MAK: variants seen among roughly 807,000 people sequenced by gnomAD.
MAK encodes male germ cell associated kinase.
A neutral mutation model predicts 82.6 loss-of-function variants in MAK; 65 were observed. That is an observed-to-expected ratio of 0.79 (90% CI 0.64 to 0.97). MAK has a LOEUF of 0.97. Ranked by LOEUF, MAK falls within the 50% of genes least tolerant of loss-of-function variation. MAK has a pLI of 0.00. For missense variants in MAK, 703 were observed against 780.2 expected, an observed-to-expected ratio of 0.90 and a Z score of 1.18; for synonymous variants, 250 against 274.2, an observed-to-expected ratio of 0.91 and a Z score of 0.87.
intron 10 of MAK, among the ~76,000 whole-genome samples, chr6:10,785,082 G>T (rs1434929935): frequency 1.3e-5 from 2 of 152,210 alleles, no homozygotes; most frequent in African/African-American, 4.8e-5. Context: ...ACATGCCTGT[G>T]TCTCAGCCAG....
At position 10,791,718 on chromosome 6, in the gene MAK, T is replaced by C. The variant is rs1226073158; in HGVS notation, c.1273A>G (p.Met425Val). The C allele has an allele frequency of 8.7e-6, 14 of 1,614,030 alleles. No homozygotes were observed. The East Asian group carries it at 2.7e-4, about 31-fold the overall frequency. The stretch of plus-strand genomic sequence containing the variant: ...TTCCTTTTTTCTTTAAAAACACCCA[T>C]GCTTGGCTTCTTGGAATGGGAGGCT... ...FGASHSKKPS[M>V]GVFKEKRKKD... Residue 425 changes from methionine (M) to valine (V), a missense_variant, in exon 10 of 15, where the codon ATG becomes GTG. Transcript: ENST00000354489.
At chr6:10,790,912 T>G (rs1183807722) in intron 10 of MAK, among the ~76,000 whole-genome samples, 1 of 152,198 alleles carries the variant, frequency 6.6e-6, no homozygotes, top group Non-Finnish European at 1.5e-5. Flanking sequence ...CATGCAAGAC[T>G]TGATCGTTTA....
intron 5 of MAK, among the ~76,000 whole-genome samples, chr6:10,811,784 A>C (rs1776953381): frequency 6.6e-6 from 1 of 152,220 alleles, no homozygotes; most frequent in Non-Finnish European, 1.5e-5. Context: ...AAACATTCTA[A>C]ACATACCCTT....
At chr6:10,768,586 A>T (rs1772688711) in intron 14 of MAK, among the ~76,000 whole-genome samples, 1 of 152,188 alleles carries the variant, frequency 6.6e-6, no homozygotes, top group Non-Finnish European at 1.5e-5. Context: ...ATCTCAAAAT[A>T]AATAAAATTT....
intron 14 of MAK, among the ~76,000 whole-genome samples, chr6:10,766,501 T>A (rs1288855017): frequency 6.6e-6 from 1 of 152,216 alleles, no homozygotes; most frequent in Non-Finnish European, 1.5e-5. Flanking sequence ...TCAAAGCCAC[T>A]AAAAAGCTAT....
At chr6:10,810,345 CT>C (rs111859354) in intron 5 of MAK, among the ~76,000 whole-genome samples, 20,039 of 121,696 alleles carry the variant, frequency 0.16, 596 homozygotes, top group African/African-American at 0.18. Flanking sequence ...TTATCTTTTT[CT>C]TTTTTTTTTT....
At chr6:10,779,888 T>C (rs1000417084) in intron 11 of MAK, among the ~76,000 whole-genome samples, 7 of 152,202 alleles carry the variant, frequency 4.6e-5, no homozygotes, top group Non-Finnish European at 7.3e-5. Flanking sequence ...GGTTTCATTA[T>C]GTTGGCCAGG....
At chr6:10,815,912 G>GTACATATATATA (rs1554184484) in intron 4 of MAK, among the ~76,000 whole-genome samples, 25 of 108,344 alleles carry the variant, frequency 2.3e-4, no homozygotes, top group Non-Finnish European at 3.7e-4. Flanking sequence ...GCTTTATACA[G>GTACATATATATA]TATATATATA....
chr6:10,772,928 C>G, intron 13 of MAK, 106 bp downstream of exon 13: 1 of 719,480 alleles, frequency 1.4e-6, no homozygotes, highest in Non-Finnish European at 2.4e-6. Flanking sequence ...CTTCTCAAAG[C>G]GGATCATCTC....
At position 10,803,710 on chromosome 6, in the gene MAK, G is replaced by A; in HGVS notation, c.663+10C>T. 7 of 1,609,186 alleles carry A rather than the reference G, an allele frequency of 4.4e-6. No individual in the cohort carries two copies. Among genetic ancestry groups the A allele is most frequent in the Non-Finnish European group, 6.0e-6 (7 of 1,175,574 alleles). The stretch of plus-strand genomic sequence containing the variant: ...AAAAGTTATAGCAACTTAGGGACAA[G>A]AGTACTTACTTTTTTGGGAGTCCCT... On this transcript the variant is annotated intron_variant, in intron 7 of 14. Coordinates refer to ENST00000354489, the MANE Select transcript of MAK (RefSeq NM_001242957.3).
At chr6:10,798,954 C>T (rs1775801767) in intron 8 of MAK, among the ~76,000 whole-genome samples, 1 of 151,952 alleles carries the variant, frequency 6.6e-6, no homozygotes, top group South Asian at 2.1e-4. Flanking sequence ...CTCAGCCTCC[C>T]GAGTAGCTGA....
At chr6:10,791,970 G>GA in intron 9 of MAK, 123 bp from the exon 10 acceptor site, 1 of 982,672 alleles carries the variant, frequency 1.0e-6, no homozygotes, top group South Asian at 1.3e-5. Flanking sequence ...TACATGTAAG[G>GA]GCATAACATA....
intron 7 of MAK, chr6:10,802,399 G>A (rs1272992018): frequency 3.9e-5 from 9 of 230,166 alleles, no homozygotes; most frequent in South Asian, 1.7e-4. Flanking sequence ...TCACCCTCCC[G>A]GGCTCAAAAG....
chr6:10,768,219 TAAGAG>T (rs1372579472), intron 14 of MAK, among the ~76,000 whole-genome samples: 7 of 152,314 alleles, frequency 4.6e-5, no homozygotes, highest in African/African-American at 1.7e-4. Flanking sequence ...TCTTGATTTA[TAAGAG>T]TAGATACCTA....
At chr6:10,809,307 A>G (rs1025448308) in intron 5 of MAK, among the ~76,000 whole-genome samples, 1 of 152,216 alleles carries the variant, frequency 6.6e-6, no homozygotes, top group Non-Finnish European at 1.5e-5. Context: ...ACTATTGTGC[A>G]ATAGAGGAGG....
At chr6:10,801,685 T>A (rs1458092245) in intron 8 of MAK, among the ~76,000 whole-genome samples, 1 of 152,164 alleles carries the variant, frequency 6.6e-6, no homozygotes, top group East Asian at 1.9e-4. Context: ...ACTCAGAAAA[T>A]CATTGGTGTG....
intron 5 of MAK, 49 bp downstream of exon 5, chr6:10,813,595 T>C: frequency 9.9e-7 from 1 of 1,013,140 alleles, no homozygotes; most frequent in Non-Finnish European, 1.6e-6. Context: ...ATGCACAATC[T>C]GGACAGTAAT....
chr6:10,809,963 T>C (rs1776787108), intron 5 of MAK, among the ~76,000 whole-genome samples: 1 of 151,730 alleles, frequency 6.6e-6, no homozygotes, highest in Non-Finnish European at 1.5e-5. Context: ...CCGGGCATGG[T>C]GGTGTGCGCC....
intron 13 of MAK, among the ~76,000 whole-genome samples, 172 bp from the exon 14 acceptor site, chr6:10,770,402 G>A (rs562391580): frequency 6.6e-5 from 10 of 152,242 alleles, no homozygotes; most frequent in South Asian, 6.2e-4. Context: ...ACAACAGCCC[G>A]CTTAGATCAT....
Sources: gnomAD v4.1 joint callset for allele counts (sites outside exome capture counted in the v4.1 genomes callset) on GRCh38, gnomAD v4.1.1 for gene constraint, MANE v1.5 for transcripts, NCBI Gene and HGNC (gene_info 2026-07-23, HGNC 2026-07-21) for gene names.